AKAP6: variants seen among roughly 807,000 people sequenced by gnomAD.
AKAP6 encodes the protein A-kinase anchor protein 6.
AKAP6 carries 58 observed loss-of-function variants against 188.5 expected under a neutral mutation model. That is an observed-to-expected ratio of 0.31 (90% CI 0.25 to 0.38). AKAP6 has a LOEUF of 0.38. Ranked by LOEUF, AKAP6 falls within the 10% of genes least tolerant of loss-of-function variation. The pLI is 1.00. For missense variants in AKAP6, 2,710 were observed against 2,740.0 expected (o/e 0.99, Z 0.24); for synonymous variants, 989 against 998.6 (o/e 0.99, Z 0.18).
chr14:32,343,673 G>A (rs4368088), intron 1 of AKAP6, among the ~76,000 whole-genome samples: 36 of 145,474 alleles, frequency 2.5e-4, no homozygotes, highest in Admixed American at 1.1e-3. Flanking sequence ...GCGTGAACCC[G>A]GAAGGAGGAG....
chr14:32,599,389 T>C, intron 5 of AKAP6, 21 bp from the exon 6 acceptor site: 4 of 1,598,176 alleles, frequency 2.5e-6, no homozygotes, highest in Non-Finnish European at 3.4e-6. Flanking sequence ...CAGGGTTTAA[T>C]GTTCATATTT....
At chr14:32,481,720 A>G (rs1012156408) in intron 2 of AKAP6, among the ~76,000 whole-genome samples, 1 of 152,170 alleles carries the variant, frequency 6.6e-6, no homozygotes, top group African/African-American at 2.4e-5. Flanking sequence ...TTCGGTGGGG[A>G]CACAGCAAAA....
chr14:32,628,237 A>G (rs990749775), intron 7 of AKAP6: 1 of 152,134 alleles, frequency 6.6e-6, no homozygotes, highest in Admixed American at 6.6e-5. Flanking sequence ...CGTAGCAGTC[A>G]TTAGAGGGTA....
chr14:32,541,214 T>A (rs1037344358), intron 3 of AKAP6, among the ~76,000 whole-genome samples: 2 of 152,112 alleles, frequency 1.3e-5, no homozygotes, highest in African/African-American at 4.8e-5. Context: ...CTCTGAAGCA[T>A]TAAGTGTTTT....
intron 7 of AKAP6, among the ~76,000 whole-genome samples, chr14:32,633,041 A>G (rs956662846): frequency 2.6e-5 from 4 of 152,110 alleles, no homozygotes; most frequent in Non-Finnish European, 4.4e-5. Context: ...TCAAGAAAGT[A>G]TGGACACATG....
At chr14:32,747,368 A>G (rs891320442) in intron 11 of AKAP6, among the ~76,000 whole-genome samples, 1 of 152,224 alleles carries the variant, frequency 6.6e-6, no homozygotes, top group African/African-American at 2.4e-5. Context: ...GCAAAGTTGC[A>G]AATAAAGAAT....
At chr14:32,544,783 C>G (rs1375666848) in intron 3 of AKAP6, among the ~76,000 whole-genome samples, 2 of 152,164 alleles carry the variant, frequency 1.3e-5, no homozygotes, top group Non-Finnish European at 2.9e-5. Flanking sequence ...ATTTATTGAG[C>G]ATCTACCATG....
At chr14:32,624,256 C>T (rs1030786102) in intron 7 of AKAP6, among the ~76,000 whole-genome samples, 1 of 152,038 alleles carries the variant, frequency 6.6e-6, no homozygotes, top group African/African-American at 2.4e-5. Flanking sequence ...AAGCACAGGA[C>T]TAATAGGACA....
chr14:32,418,716 C>T (rs1198817330), intron 1 of AKAP6, among the ~76,000 whole-genome samples: 2 of 152,136 alleles, frequency 1.3e-5, no homozygotes, highest in Non-Finnish European at 2.9e-5. Context: ...AGAGGCATTT[C>T]AGTCATTAGC....
chr14:32,776,514 C>G (rs1429632578), intron 12 of AKAP6, among the ~76,000 whole-genome samples: 2 of 152,108 alleles, frequency 1.3e-5, no homozygotes, highest in Non-Finnish European at 2.9e-5. Context: ...TTGGGTATGT[C>G]TTTATCAGCA....
intron 4 of AKAP6, among the ~76,000 whole-genome samples, chr14:32,565,959 C>G (rs1002273399): frequency 2.0e-5 from 3 of 152,142 alleles, no homozygotes; most frequent in Non-Finnish European, 4.4e-5. Context: ...GGAAGTCCCC[C>G]TTGATGCCCA....
rs1890772853 is a variant in AKAP6, at chr14:32,705,402, G to A, written c.3000+9292G>A. Among the ~76,000 whole-genome samples the A allele has an allele frequency of 4.6e-5, 7 of 152,230 alleles. No homozygotes were observed. The South Asian group carries it at 1.5e-3, about 32-fold the overall frequency. On this transcript the variant is annotated intron_variant, in intron 9 of 13. Coordinates refer to ENST00000280979, the MANE Select transcript of AKAP6 (RefSeq NM_004274.5). ...TCCAGAAAAGGGAACAAAAACAGAT[G>A]TTATCTTCTTCAACATTTGATAAAA...
At chr14:32,685,322 A>G (rs990149380) in intron 8 of AKAP6, among the ~76,000 whole-genome samples, 2 of 152,132 alleles carry the variant, frequency 1.3e-5, no homozygotes, top group African/African-American at 2.4e-5. Context: ...TGTTATGGGA[A>G]TACTGAGAAG....
chr14:32,775,969 A>G (rs2033047540), intron 12 of AKAP6, among the ~76,000 whole-genome samples: 1 of 152,354 alleles, frequency 6.6e-6, no homozygotes, highest in Middle Eastern at 3.4e-3. Flanking sequence ...GTCTAATGCC[A>G]ACAAATACTG....
chr14:32,435,722 C>T (rs941746), intron 2 of AKAP6, among the ~76,000 whole-genome samples: 95,211 of 152,050 alleles, frequency 0.63, 32,167 homozygotes, highest in African/African-American at 0.89. Context: ...TTCATTTTAT[C>T]CTAGGATGTC....
intron 1 of AKAP6, among the ~76,000 whole-genome samples, chr14:32,380,965 T>G (rs1957651): frequency 0.91 from 138,765 of 152,134 alleles, 63,825 homozygotes; most frequent in Non-Finnish European, 0.97. Context: ...TTTTAAAAAT[T>G]ACAATTCAGT....
At chr14:32,590,304 CAACTCCTAGCCTTGCACATGCATG>C (rs908854065) in intron 5 of AKAP6, among the ~76,000 whole-genome samples, 1 of 151,822 alleles carries the variant, frequency 6.6e-6, no homozygotes, top group Admixed American at 6.6e-5. Context: ...GTGTCTCCCC[CAACTCCTAGCCTTGCACATGCATG>C]ATAGGTATTA....
At chr14:32,657,882 A>G (rs1888519631) in intron 7 of AKAP6, among the ~76,000 whole-genome samples, 1 of 152,162 alleles carries the variant, frequency 6.6e-6, no homozygotes, top group Admixed American at 6.6e-5. Context: ...GAAAGTTGGC[A>G]CATCTAATTA....
At chr14:32,818,295 C>A (rs2034437458) in intron 12 of AKAP6, among the ~76,000 whole-genome samples, 1 of 152,058 alleles carries the variant, frequency 6.6e-6, no homozygotes, top group South Asian at 2.1e-4. Context: ...GGAAATTTTC[C>A]ATTCCAACTA....
Sources: gnomAD v4.1 joint callset for allele counts (sites outside exome capture counted in the v4.1 genomes callset) on GRCh38, gnomAD v4.1.1 for gene constraint, MANE v1.5 for transcripts, NCBI Gene and HGNC (gene_info 2026-07-23, HGNC 2026-07-21) for gene names.